The following SRPK2 variants were observed in gnomAD, a reference collection of about 807,000 sequenced individuals.
The protein encoded by SRPK2 is SFRS protein kinase 2.
A neutral mutation model predicts 90.8 loss-of-function variants in SRPK2; 21 were observed. The observed-to-expected ratio is 0.23, with a 90% CI of 0.16 to 0.33. The LOEUF is 0.33. SRPK2 is among the 10% of genes least tolerant of loss of function. The probability of loss-of-function intolerance (pLI) is 1.00; values close to 1 mark genes in which losing one functional copy is unlikely to be tolerated. For synonymous variants in SRPK2, 288 were observed against 311.1 expected, an observed-to-expected ratio of 0.93 and a Z score of 0.78; for missense variants, 620 against 869.0, an observed-to-expected ratio of 0.71 and a Z score of 3.60.
chr7:105,386,034 G>A lies in SRPK2; in HGVS notation c.71+2614C>T, dbSNP rs148850461. Among the ~76,000 whole-genome samples the A allele has an allele frequency of 4.7e-3, 710 of 152,216 alleles. 11 individuals carry two copies. The East Asian group carries it at 0.055, about 12-fold the overall frequency. ...TGTCTTGTTCAAAACTCTATCACCG[G>A]CCGGGCTTGGTGGCTCACGCCTGTA... On this transcript the variant is annotated intron_variant, in intron 2 of 15. Coordinates refer to ENST00000393651, the MANE Select transcript of SRPK2 (RefSeq NM_182692.3).
In SRPK2 at chr7:105,150,302, T is replaced by C. The variant is rs1257809730; in HGVS notation, c.622-3644A>G. Among the ~76,000 whole-genome samples the C allele has an allele frequency of 2.0e-5, 3 of 152,336 alleles. No homozygotes were observed. In the East Asian group the frequency reaches 5.8e-4, roughly 29 times the overall value. The stretch of plus-strand genomic sequence containing the variant: ...GGGAAGCCGAGGCAGGCAGATCACT[T>C]GAGGCCAGGAGTGCGAGACCAGCCT... On this transcript the variant is annotated intron_variant, in intron 7 of 15. Coordinates refer to ENST00000393651, the MANE Select transcript of SRPK2 (RefSeq NM_182692.3).
intron 2 of SRPK2, among the ~76,000 whole-genome samples, chr7:105,371,761 G>C (rs1049256836): frequency 6.6e-6 from 1 of 152,072 alleles, no homozygotes; most frequent in Non-Finnish European, 1.5e-5. Flanking sequence ...TGTTTAGACT[G>C]TGGGAAATAT....
chr7:105,250,252 T>C (rs944225923), intron 2 of SRPK2, among the ~76,000 whole-genome samples: 3 of 152,020 alleles, frequency 2.0e-5, no homozygotes, highest in African/African-American at 7.2e-5. Flanking sequence ...GGAGAATCAC[T>C]TGAACCCAGG....
At chr7:105,381,113 G>A (rs890412954) in intron 2 of SRPK2, among the ~76,000 whole-genome samples, 3 of 151,820 alleles carry the variant, frequency 2.0e-5, no homozygotes, top group Non-Finnish European at 2.9e-5. Flanking sequence ...GCATGGTGGC[G>A]CATGCCTGTA....
intron 2 of SRPK2, among the ~76,000 whole-genome samples, chr7:105,374,559 TGTTA>T (rs201406005): frequency 0.012 from 1,846 of 152,284 alleles, 22 homozygotes; most frequent in Admixed American, 0.015. Flanking sequence ...CAAATTAGAA[TGTTA>T]GTCATTAATA....
chr7:105,184,199 G>A (rs187717494), intron 3 of SRPK2, among the ~76,000 whole-genome samples: 345 of 147,628 alleles, frequency 2.3e-3, no homozygotes, highest in African/African-American at 8.3e-3. Context: ...GGCTGGTCTC[G>A]AACTCCTGAC....
intron 2 of SRPK2, among the ~76,000 whole-genome samples, chr7:105,319,482 CTT>C (rs1020446882): frequency 2.1e-4 from 22 of 106,836 alleles, no homozygotes; most frequent in Admixed American, 4.5e-4. Context: ...AACATCCACT[CTT>C]AAATTTAATG....
At chr7:105,225,145 T>C (rs910190950) in intron 2 of SRPK2, among the ~76,000 whole-genome samples, 6 of 152,050 alleles carry the variant, frequency 3.9e-5, no homozygotes, top group African/African-American at 1.2e-4. Flanking sequence ...GAGTCTAGCC[T>C]AGGCTTTTTT....
intron 3 of SRPK2, among the ~76,000 whole-genome samples, chr7:105,181,890 A>AC (rs1287827046): frequency 3.4e-5 from 5 of 147,416 alleles, no homozygotes; most frequent in South Asian, 4.3e-4. Context: ...GTAAAAAAAA[A>AC]AAAAAACAGA....
chr7:105,325,976 G>C (rs370932582), intron 2 of SRPK2, among the ~76,000 whole-genome samples: 175 of 152,300 alleles, frequency 1.1e-3, no homozygotes, highest in Middle Eastern at 3.4e-3. Context: ...AGGGGCCTCG[G>C]ATAGCCTTGG....
At position 105,117,568 on chromosome 7, in the gene SRPK2, C is replaced by G; in HGVS notation, c.*270G>C. On this transcript the variant is annotated 3_prime_UTR_variant, in exon 16 of 16. Coordinates refer to ENST00000393651, the MANE Select transcript of SRPK2 (RefSeq NM_182692.3). The stretch of plus-strand genomic sequence containing the variant: ...ATTCAAAAAAATGACATTTGAATGT[C>G]ACACAACACAAGAAACAATGCTTAG... 1 of 417,102 alleles carries G rather than the reference C, an allele frequency of 2.4e-6. No homozygotes were observed. Among genetic ancestry groups the G allele is most frequent in the Non-Finnish European group, 4.2e-6 (1 of 235,604 alleles). 25.8% of individuals were successfully genotyped at this position (417,102 alleles called of 1,614,324 possible). A position where few individuals can be genotyped will look rare whatever the true frequency, so the allele number is the denominator to read the frequency against.
At chr7:105,358,429 T>C (rs1480901459) in intron 2 of SRPK2, among the ~76,000 whole-genome samples, 1 of 152,156 alleles carries the variant, frequency 6.6e-6, no homozygotes, top group Non-Finnish European at 1.5e-5. Context: ...CTCACACCTA[T>C]AATCCCAGCA....
chr7:105,287,004 G>A (rs1194286831), intron 2 of SRPK2, among the ~76,000 whole-genome samples: 5 of 152,106 alleles, frequency 3.3e-5, no homozygotes, highest in Non-Finnish European at 5.9e-5. Context: ...GCTCACGCCT[G>A]TAATCCCAGC....
intron 2 of SRPK2, among the ~76,000 whole-genome samples, chr7:105,203,995 T>A (rs1467244238): frequency 1.3e-5 from 2 of 151,912 alleles, no homozygotes; most frequent in African/African-American, 4.8e-5. Context: ...CTGCCCTTAT[T>A]AGCTAAGGAA....
chr7:105,385,805 G>A (rs1343970181), intron 2 of SRPK2, among the ~76,000 whole-genome samples: 1 of 152,108 alleles, frequency 6.6e-6, no homozygotes, highest in Non-Finnish European at 1.5e-5. Flanking sequence ...CCGTAATAAC[G>A]GTGCCTACCT....
At chr7:105,174,772 A>G (rs1791617432) in intron 3 of SRPK2, among the ~76,000 whole-genome samples, 1 of 152,190 alleles carries the variant, frequency 6.6e-6, no homozygotes, top group Non-Finnish European at 1.5e-5. Context: ...ACTCAACAAC[A>G]AATACTCTTT....
chr7:105,293,726 C>T (rs547934641), intron 2 of SRPK2, among the ~76,000 whole-genome samples: 34 of 152,156 alleles, frequency 2.2e-4, no homozygotes, highest in Non-Finnish European at 4.3e-4. Flanking sequence ...GGCCTCATTT[C>T]CATTTTAGAG....
intron 2 of SRPK2, among the ~76,000 whole-genome samples, chr7:105,278,966 A>G (rs1341870273): frequency 6.6e-6 from 1 of 152,222 alleles, no homozygotes; most frequent in East Asian, 1.9e-4. Flanking sequence ...TCTAAAAATA[A>G]GTACATATTT....
intron 2 of SRPK2, among the ~76,000 whole-genome samples, chr7:105,255,858 G>A (rs1425687711): frequency 2.0e-5 from 3 of 151,906 alleles, no homozygotes; most frequent in Non-Finnish European, 4.4e-5. Context: ...CTTGAACCTG[G>A]GAGGCAGAGG....
Sources: allele counts gnomAD v4.1 joint callset (sites outside exome capture counted in the v4.1 genomes callset), GRCh38; gene constraint gnomAD v4.1.1; transcripts MANE v1.5; gene names NCBI Gene and HGNC (gene_info 2026-07-23, HGNC 2026-07-21).